MROH9: variants seen among roughly 807,000 people sequenced by gnomAD.
MROH9 encodes maestro heat-like repeat-containing protein family member 9.
A neutral mutation model predicts 98.2 loss-of-function variants in MROH9; 92 were observed. That is an observed-to-expected ratio of 0.94 (90% confidence interval 0.79 to 1.11). MROH9 has a LOEUF of 1.11. Among genes scored for constraint, MROH9 ranks in the 50% most tolerant of loss-of-function variants. MROH9 has a pLI of 0.00. For missense variants in MROH9, 1,057 were observed against 1,014.8 expected, an observed-to-expected ratio of 1.04 and a Z score of -0.57; for synonymous variants, 397 against 368.9, an observed-to-expected ratio of 1.08 and a Z score of -0.87.
intron 8 of MROH9, among the ~76,000 whole-genome samples, chr1:170,978,650 T>G (rs1035885754): frequency 2.6e-5 from 4 of 152,104 alleles, no homozygotes; most frequent in African/African-American, 9.7e-5. Flanking sequence ...TATTGTGGGT[T>G]GACTCTGGGA....
intron 2 of MROH9, among the ~76,000 whole-genome samples, chr1:170,945,942 T>C (rs1325915250): frequency 6.6e-6 from 1 of 152,030 alleles, no homozygotes; most frequent in Non-Finnish European, 1.5e-5. Context: ...AATTACAAAG[T>C]ATTGATAATA....
intron 20 of MROH9, among the ~76,000 whole-genome samples, chr1:171,035,688 T>C (rs1653078705): frequency 6.6e-6 from 1 of 152,196 alleles, no homozygotes; most frequent in African/African-American, 2.4e-5. Context: ...GACTCCATTG[T>C]TCATTTGGAA....
At chr1:171,015,804 C>G (rs1240753192) in intron 16 of MROH9, among the ~76,000 whole-genome samples, 1 of 152,040 alleles carries the variant, frequency 6.6e-6, no homozygotes, top group African/African-American at 2.4e-5. Flanking sequence ...CATCACTAAC[C>G]ATGGAACTGG....
rs775172626 is a variant in MROH9, at chr1:171,016,335, A to T, written c.1907A>T (p.His636Leu). ...TCCAGCTACTGTACTCTGATGGATC[A>T]TGTGAGTTACACAGTTAGATATGTG... ...IGSSYCTLMD[H>L]INGGIRSMAI... is the part of the protein sequence containing the mutation. The change falls in exon 17 of 22, where the codon CAT (histidine) becomes CTT (leucine). Residue 636 changes from histidine to leucine, a missense_variant and splice_region_variant. Physicochemically the swap from His to Leu is moderately conservative, Grantham distance 99. Transcript: ENST00000367759. 3 of 1,495,660 alleles carry T rather than the reference A, an allele frequency of 2.0e-6. No homozygotes were observed. In the African/African-American group the frequency reaches 4.3e-5, roughly 21 times the overall value. 92.6% of individuals were successfully genotyped at this position (1,495,660 alleles called of 1,614,324 possible). A position where few individuals can be genotyped will look rare whatever the true frequency, so the allele number is the denominator to read the frequency against.
Position 171,027,917 on chromosome 1 carries a change from T to C in MROH9, c.2281+2497T>C, listed in dbSNP as rs549796506. Among the ~76,000 whole-genome samples the C allele has an allele frequency of 2.6e-5, 4 of 152,288 alleles. No homozygotes were observed. The East Asian group carries it at 7.7e-4, about 29-fold the overall frequency. ...AGGGGGTTGTTTTTTGTTGTTAAGTTACTTGTAGATTCTGGATATTAGACC... is the reference window on the plus strand; with the variant it reads ...AGGGGGTTGTTTTTTGTTGTTAAGTCACTTGTAGATTCTGGATATTAGACC... On this transcript the variant is annotated intron_variant, in intron 20 of 21. Transcript: ENST00000367759.
At chr1:170,995,877 C>T (rs980254187) in intron 13 of MROH9, among the ~76,000 whole-genome samples, 1 of 152,132 alleles carries the variant, frequency 6.6e-6, no homozygotes, top group Non-Finnish European at 1.5e-5. Context: ...CTGCCATTTA[C>T]TTACTTTCTG....
At chr1:171,029,777 C>A (rs1180631994) in intron 20 of MROH9, among the ~76,000 whole-genome samples, 2 of 151,982 alleles carry the variant, frequency 1.3e-5, no homozygotes, top group Non-Finnish European at 1.5e-5. Context: ...GTGTCTCTTT[C>A]TGGTTTTGGT....
At chr1:171,040,409 C>T (rs1401956467) in intron 20 of MROH9, among the ~76,000 whole-genome samples, 1 of 152,042 alleles carries the variant, frequency 6.6e-6, no homozygotes, top group Non-Finnish European at 1.5e-5. Flanking sequence ...AAATACAACA[C>T]ATTTGTGTGT....
At chr1:170,976,698 G>C (rs1413247106) in intron 8 of MROH9, among the ~76,000 whole-genome samples, 1 of 152,106 alleles carries the variant, frequency 6.6e-6, no homozygotes, top group African/African-American at 2.4e-5. Flanking sequence ...TTTGACCTTG[G>C]AGAATCTGAT....
rs2101890498 is a variant in MROH9 at position 170,959,538 on chromosome 1, C to T, written c.229C>T (p.Pro77Ser). Residue 77 changes from proline (P) to serine (S), a missense_variant, in exon 5 of 22, where the codon CCA becomes TCA. Transcript: ENST00000367759. ...ATCCTTTGGAATGCTAGTTGTCATG[C>T]CAAGTCTTGACAAAGTAAAAGAAAT... is the stretch of plus-strand genomic sequence containing the variant. Reference protein sequence around the residue: ...ESSFGMLVVMPSLDKVKEMGS... With the variant: ...ESSFGMLVVMSSLDKVKEMGS... 2 of 1,613,450 alleles carry T rather than the reference C, an allele frequency of 1.2e-6. No individual in the cohort carries two copies. Among genetic ancestry groups the T allele is most frequent in the South Asian group, 1.1e-5 (1 of 90,920 alleles).
At chr1:171,018,914 C>G (rs891161435) in intron 17 of MROH9, among the ~76,000 whole-genome samples, 6 of 151,978 alleles carry the variant, frequency 3.9e-5, no homozygotes, top group African/African-American at 1.2e-4. Context: ...ATCAACAAGA[C>G]AGCAAATTAA....
At chr1:170,963,864 G>A (rs1287313605) in intron 6 of MROH9, among the ~76,000 whole-genome samples, 1 of 151,960 alleles carries the variant, frequency 6.6e-6, no homozygotes, top group African/African-American at 2.4e-5. Context: ...GAGAGAATAA[G>A]GAAAAATAAT....
At chr1:170,970,182 G>C (rs190976329) in intron 7 of MROH9, among the ~76,000 whole-genome samples, 2 of 152,264 alleles carry the variant, frequency 1.3e-5, no homozygotes, top group East Asian at 3.9e-4. Flanking sequence ...ACAAGCTCCT[G>C]AGCAGGGATA....
intron 9 of MROH9, among the ~76,000 whole-genome samples, chr1:170,984,806 A>G (rs1651067172): frequency 6.6e-6 from 1 of 152,202 alleles, no homozygotes; most frequent in African/African-American, 2.4e-5. Flanking sequence ...CCAGCACTAC[A>G]TGCGGGAACA....
At chr1:171,056,321 A>C (rs536208987) in intron 20 of MROH9, among the ~76,000 whole-genome samples, 74 of 152,274 alleles carry the variant, frequency 4.9e-4, no homozygotes, top group African/African-American at 1.7e-3. Context: ...AGGGCTGGAC[A>C]CCTTGGTCCC....
chr1:170,970,731 T>TGTGAGAGAGAGAGAGAGAGA (rs1491154307), intron 7 of MROH9, among the ~76,000 whole-genome samples: 2 of 90,802 alleles, frequency 2.2e-5, no homozygotes, highest in African/African-American at 8.7e-5. Context: ...TGTGTGTGTG[T>TGTGAGAGAGAGAGAGAGAGA]GAGAGAGAGA....
intron 10 of MROH9, among the ~76,000 whole-genome samples, 193 bp from the exon 11 acceptor site, chr1:170,989,662 T>A (rs1233782775): frequency 3.3e-5 from 5 of 152,262 alleles, no homozygotes; most frequent in Non-Finnish European, 7.3e-5. Context: ...ACAGATTTAG[T>A]CTTCATCCAG....
intron 17 of MROH9, among the ~76,000 whole-genome samples, chr1:171,022,605 G>C (rs1288606947): frequency 6.6e-6 from 1 of 152,002 alleles, no homozygotes; most frequent in Non-Finnish European, 1.5e-5. Context: ...TTGGGGGGTG[G>C]GTGGCAAGGG....
intron 16 of MROH9, chr1:171,015,205 A>G (rs1278097559): frequency 1.9e-5 from 7 of 376,720 alleles, no homozygotes; most frequent in Non-Finnish European, 2.6e-5. Context: ...TTAGAATGAC[A>G]TAAGCCATGG....
Sources: gnomAD v4.1 joint callset for allele counts (sites outside exome capture counted in the v4.1 genomes callset) on GRCh38, gnomAD v4.1.1 for gene constraint, MANE v1.5 for transcripts, NCBI Gene and HGNC (gene_info 2026-07-23, HGNC 2026-07-21) for gene names.